The following GRIA1 variants were observed in gnomAD, a reference collection of about 807,000 sequenced individuals.
GRIA1 encodes the protein glutamate receptor 1.
In GRIA1, 31 loss-of-function variants were observed where a neutral mutation model predicts 99.2. The observed-to-expected ratio is 0.31, with a 90% CI of 0.23 to 0.42. The LOEUF (loss-of-function observed/expected upper bound fraction) is 0.42. GRIA1 is among the 10% of genes least tolerant of loss of function. GRIA1 has a pLI of 1.00. For missense variants in GRIA1, 782 were observed against 1,157.5 expected, an observed-to-expected ratio of 0.68 and a Z score of 4.71; for synonymous variants, 438 against 432.4, an observed-to-expected ratio of 1.01 and a Z score of -0.16.
At chr5:153,610,565 C>A (rs891612634) in intron 2 of GRIA1, among the ~76,000 whole-genome samples, 18 of 152,236 alleles carry the variant, frequency 1.2e-4, no homozygotes, top group Admixed American at 6.5e-4. Flanking sequence ...GCAAAATAAT[C>A]TCTGCCTTTA....
At chr5:153,521,565 A>G (rs1360995616) in intron 2 of GRIA1, among the ~76,000 whole-genome samples, 2 of 152,180 alleles carry the variant, frequency 1.3e-5, no homozygotes, top group East Asian at 3.9e-4. Flanking sequence ...TTGAGTCTGG[A>G]CAGAACCATC....
chr5:153,768,713 G>GA (rs1010162333), intron 12 of GRIA1, among the ~76,000 whole-genome samples: 1 of 151,914 alleles, frequency 6.6e-6, no homozygotes, highest in Non-Finnish European at 1.5e-5. Flanking sequence ...CTTGTATACA[G>GA]AAAAAAGTGA....
At chr5:153,809,365 A>T (rs1766656227) in intron 15 of GRIA1, among the ~76,000 whole-genome samples, 1 of 152,214 alleles carries the variant, frequency 6.6e-6, no homozygotes, top group South Asian at 2.1e-4. Flanking sequence ...AAATCAAGTC[A>T]TGGGTTTGAG....
At chr5:153,732,860 A>G (rs1158160472) in intron 11 of GRIA1, among the ~76,000 whole-genome samples, 1 of 151,536 alleles carries the variant, frequency 6.6e-6, no homozygotes, top group African/African-American at 2.4e-5. Context: ...TTCTGGTCTT[A>G]CTTTAAGTCT....
At chr5:153,535,611 T>C (rs1453252695) in intron 2 of GRIA1, among the ~76,000 whole-genome samples, 1 of 152,226 alleles carries the variant, frequency 6.6e-6, no homozygotes, top group African/African-American at 2.4e-5. Flanking sequence ...TTTTATCTTT[T>C]ATTTCTTGGT....
intron 11 of GRIA1, among the ~76,000 whole-genome samples, chr5:153,729,247 G>T (rs549343612): frequency 1.2e-4 from 18 of 151,732 alleles, no homozygotes; most frequent in Non-Finnish European, 2.5e-4. Flanking sequence ...GGTAGGGAGA[G>T]GGGGGAGCGA....
At chr5:153,529,218 G>C (rs1026421419) in intron 2 of GRIA1, among the ~76,000 whole-genome samples, 5 of 152,174 alleles carry the variant, frequency 3.3e-5, no homozygotes, top group African/African-American at 1.2e-4. Context: ...TTGTCTGACA[G>C]GGCTGTCCCT....
intron 15 of GRIA1, among the ~76,000 whole-genome samples, chr5:153,803,403 T>C (rs1435321297): frequency 2.6e-5 from 4 of 152,194 alleles, no homozygotes. Flanking sequence ...AACAATACCA[T>C]GATCAAGGCA....
rs189615768 is a variant in GRIA1, at chr5:153,516,080, C to T, written c.220+22015C>T. On this transcript the variant is annotated intron_variant, in intron 2 of 15. Coordinates refer to ENST00000285900, the MANE Select transcript of GRIA1 (RefSeq NM_000827.4). ...CTAAAAATACAAAAAATCAGCCTGA[C>T]GTGGTGGCGGGCGCCTGTAATCCCA... 8.4e-3 allele frequency among the ~76,000 whole-genome samples: 1,275 copies of T among 152,120 alleles called. 67 individuals are homozygous for T. Among genetic ancestry groups the T allele is most frequent in the Admixed American group, 0.076 (1,164 of 15,272 alleles).
At chr5:153,530,997 G>T (rs1758047641) in intron 2 of GRIA1, among the ~76,000 whole-genome samples, 1 of 152,202 alleles carries the variant, frequency 6.6e-6, no homozygotes, top group Admixed American at 6.5e-5. Flanking sequence ...ATAAAGGTCA[G>T]GGGGAAAATA....
chr5:153,535,119 C>A (rs1758446810), intron 2 of GRIA1, among the ~76,000 whole-genome samples: 1 of 152,010 alleles, frequency 6.6e-6, no homozygotes. Flanking sequence ...ACAGGGCTTC[C>A]CCATGTTGGC....
intron 11 of GRIA1, among the ~76,000 whole-genome samples, chr5:153,754,224 G>A (rs1762675464): frequency 6.6e-6 from 1 of 152,128 alleles, no homozygotes; most frequent in South Asian, 2.1e-4. Flanking sequence ...AGCTTCACCT[G>A]AGCCAGTTCC....
At chr5:153,674,222 A>T (rs1756404259) in intron 5 of GRIA1, among the ~76,000 whole-genome samples, 1 of 152,244 alleles carries the variant, frequency 6.6e-6, no homozygotes, top group East Asian at 1.9e-4. Flanking sequence ...TTATTCAGAC[A>T]AGAAAACTGT....
chr5:153,729,808 A>T (rs920146446), intron 11 of GRIA1, among the ~76,000 whole-genome samples: 14 of 152,056 alleles, frequency 9.2e-5, no homozygotes, highest in Admixed American at 9.2e-4. Flanking sequence ...AAAACCCTCA[A>T]ATTTGTTTGA....
intron 7 of GRIA1, among the ~76,000 whole-genome samples, chr5:153,680,433 A>T (rs1249216066): frequency 6.6e-6 from 1 of 152,174 alleles, no homozygotes; most frequent in Non-Finnish European, 1.5e-5. Context: ...TTCTTAACAT[A>T]GGGGAGGTAA....
intron 2 of GRIA1, among the ~76,000 whole-genome samples, chr5:153,584,806 G>A (rs1763329954): frequency 6.6e-6 from 1 of 152,200 alleles, no homozygotes; most frequent in South Asian, 2.1e-4. Flanking sequence ...AATATTAGCT[G>A]TTAGGGCTGT....
rs558738927 is a variant in GRIA1, at chr5:153,536,739, T to C, written c.220+42674T>C. On this transcript the variant is annotated intron_variant, in intron 2 of 15. Transcript: ENST00000285900. ...TAAATTTAGAAACATTTTGTTTCAT[T>C]CTATCACCTCTGCTAACCTCTTAAC... 1.7e-3 allele frequency among the ~76,000 whole-genome samples: 261 copies of C among 152,348 alleles called. 2 individuals carry two copies. The highest frequency in any genetic ancestry group is 5.7e-3 in the African/African-American group (239 of 41,580).
chr5:153,561,980 T>A (rs1315566173), intron 2 of GRIA1, among the ~76,000 whole-genome samples: 3 of 152,308 alleles, frequency 2.0e-5, no homozygotes, highest in Non-Finnish European at 4.4e-5. Context: ...AGAACACTGA[T>A]AACAACTATG....
At chr5:153,635,837 C>T (rs565678814) in intron 2 of GRIA1, among the ~76,000 whole-genome samples, 2 of 152,296 alleles carry the variant, frequency 1.3e-5, no homozygotes, top group East Asian at 1.9e-4. Flanking sequence ...TCAAGACTGG[C>T]GTCTCCTCTG....
Sources: allele counts gnomAD v4.1 joint callset (sites outside exome capture counted in the v4.1 genomes callset), GRCh38; gene constraint gnomAD v4.1.1; transcripts MANE v1.5; gene names NCBI Gene and HGNC (gene_info 2026-07-23, HGNC 2026-07-21).